The following TPRG1 variants were observed in gnomAD, a reference collection of about 807,000 sequenced individuals.
TPRG1 encodes the protein tumor protein p63-regulated gene 1 protein.
In TPRG1, 29 loss-of-function variants were observed where a neutral mutation model predicts 29.3. The ratio of observed to expected loss-of-function variants is 0.99; its 90% CI spans 0.74 to 1.35. The LOEUF is 1.35. TPRG1 is among the 40% of genes most tolerant of loss of function. TPRG1 has a pLI of 0.00. For missense variants in TPRG1, 327 were observed against 335.0 expected (o/e 0.98, Z 0.19); for synonymous variants, 130 against 116.8 (o/e 1.11, Z -0.73).
Position 189,077,953 on chromosome 3 carries a change from A to G in TPRG1, c.-462-49104A>G, listed in dbSNP as rs958331162. Reference sequence around the variant, plus strand: ...AAGATGATCATGTAGCCATTTACCAATTACTGTGCTTTGAAGAACTCTCTT... The same window carrying G: ...AAGATGATCATGTAGCCATTTACCAGTTACTGTGCTTTGAAGAACTCTCTT... On this transcript the variant is annotated intron_variant, in intron 4 of 10. Coordinates refer to the TPRG1 transcript ENST00000433971. Among the ~76,000 whole-genome samples the G allele has an allele frequency of 2.0e-5, 3 of 152,014 alleles. No individual in the cohort carries two copies. In the South Asian group the frequency reaches 6.2e-4, roughly 32 times the overall value.
intron 5 of TPRG1, among the ~76,000 whole-genome samples, chr3:189,158,212 C>G (rs557009982): frequency 3.9e-5 from 6 of 152,212 alleles, no homozygotes; most frequent in African/African-American, 9.6e-5. Flanking sequence ...TACCCTGTTT[C>G]ACTTACTTAG....
chr3:189,078,958 G>GCT (rs1412302803), intron 4 of TPRG1, among the ~76,000 whole-genome samples: 19 of 152,134 alleles, frequency 1.2e-4, no homozygotes, highest in African/African-American at 4.6e-4. Flanking sequence ...GCTATTGAGG[G>GCT]AATACTTTAG....
Position 189,036,922 on chromosome 3 carries a change from G to A in TPRG1, c.-463+12976G>A, listed in dbSNP as rs4687015. Among the ~76,000 whole-genome samples, 503 of 150,638 alleles carry A rather than the reference G, an allele frequency of 3.3e-3. 6 individuals are homozygous for A. Among genetic ancestry groups the A allele is most frequent in the African/African-American group, 0.011 (439 of 41,100 alleles). ...GAAGAAGAAATAAAAAATTTGAAAG[G>A]TCTAAAAATCATAAGATAAACTGAC... On this transcript the variant is annotated intron_variant, in intron 4 of 10. Transcript: ENST00000433971.
At chr3:189,042,301 A>G (rs1714686976) in intron 4 of TPRG1, among the ~76,000 whole-genome samples, 1 of 151,998 alleles carries the variant, frequency 6.6e-6, no homozygotes, top group African/African-American at 2.4e-5. Flanking sequence ...GGTTAATTTT[A>G]TTTTTCTAGT....
chr3:189,234,862 A>G (rs947079650), intron 3 of TPRG1, among the ~76,000 whole-genome samples: 2 of 152,224 alleles, frequency 1.3e-5, no homozygotes, highest in Non-Finnish European at 2.9e-5. Context: ...CTGAAAGTGT[A>G]TATCAGAAAG....
At chr3:189,274,935 A>AGTGT (rs57386934) in intron 4 of TPRG1, among the ~76,000 whole-genome samples, 7,890 of 137,640 alleles carry the variant, frequency 0.057, 257 homozygotes, top group South Asian at 0.082. Context: ...TAATGTAATG[A>AGTGT]GTGTGTGTGT....
chr3:189,044,251 C>A (rs1256261165), intron 4 of TPRG1, among the ~76,000 whole-genome samples: 1 of 151,862 alleles, frequency 6.6e-6, no homozygotes, highest in African/African-American at 2.4e-5. Context: ...GATGCAACAT[C>A]ATGACAAAGA....
chr3:189,269,653 C>G (rs1714741047), intron 4 of TPRG1, among the ~76,000 whole-genome samples: 1 of 152,090 alleles, frequency 6.6e-6, no homozygotes, highest in Non-Finnish European at 1.5e-5. Context: ...TTCCAAGATG[C>G]TATAAATATA....
intron 4 of TPRG1, among the ~76,000 whole-genome samples, chr3:189,290,100 G>C (rs1576975924): frequency 6.6e-6 from 1 of 152,160 alleles, no homozygotes; most frequent in African/African-American, 2.4e-5. Flanking sequence ...TATGGCAGTG[G>C]GGGTGTTCTA....
chr3:189,102,273 A>G (rs764780723), intron 1 of TPRG1, among the ~76,000 whole-genome samples: 9 of 152,172 alleles, frequency 5.9e-5, no homozygotes, highest in Non-Finnish European at 1.3e-4. Context: ...CTAGGGCTGT[A>G]TGTAGTAAGC....
intron 4 of TPRG1, among the ~76,000 whole-genome samples, chr3:189,032,754 C>A (rs370722733): frequency 2.6e-5 from 3 of 113,980 alleles, no homozygotes; most frequent in Admixed American, 2.0e-4. Context: ...CCCCTCCCCC[C>A]ACCCCACAAC....
intron 3 of TPRG1, among the ~76,000 whole-genome samples, chr3:189,221,821 T>A (rs567334797): frequency 4.3e-4 from 66 of 152,318 alleles, no homozygotes; most frequent in Non-Finnish European, 6.6e-4. Context: ...GAGGGACTAT[T>A]GGCTTTATTT....
chr3:189,058,683 T>A (rs901412865), intron 4 of TPRG1, among the ~76,000 whole-genome samples: 1 of 152,222 alleles, frequency 6.6e-6, no homozygotes, highest in African/African-American at 2.4e-5. Context: ...TTAAAGCTGA[T>A]GCTTCCTTAG....
chr3:189,183,817 A>G lies in TPRG1; in HGVS notation c.-10+11686A>G, dbSNP rs537233363. Among the ~76,000 whole-genome samples, 15 of 151,698 alleles carry G rather than the reference A, an allele frequency of 9.9e-5. No homozygotes were observed. In the East Asian group the frequency reaches 2.7e-3, roughly 27 times the overall value. ...CACATTTCATATTGTTTAAACACAC[A>G]TGCTCTACAATTTGTGCAGTTAACG... On this transcript the variant is annotated intron_variant, in intron 1 of 5. Transcript: ENST00000345063.
rs79017029 is a variant in TPRG1, at chr3:189,222,361, G to A, written c.302+6978G>A. On this transcript the variant is annotated intron_variant, in intron 3 of 5. Coordinates refer to ENST00000345063, the MANE Select transcript of TPRG1 (RefSeq NM_198485.4). ...AGGTTAAAAAAAACTGGAAATCAGA[G>A]ATTTCTAATCCTTATTAAATCATGA... 5.7e-3 allele frequency among the ~76,000 whole-genome samples: 862 copies of A among 152,244 alleles called. 8 individuals carry two copies. Among genetic ancestry groups the A allele is most frequent in the African/African-American group, 0.018 (756 of 41,544 alleles).
At chr3:189,204,558 C>T (rs1734014570) in intron 1 of TPRG1, among the ~76,000 whole-genome samples, 1 of 152,168 alleles carries the variant, frequency 6.6e-6, no homozygotes, top group African/African-American at 2.4e-5. Flanking sequence ...CTGAGAGTTT[C>T]CTTCTTTCCT....
chr3:189,036,525 G>C, intron 4 of TPRG1, among the ~76,000 whole-genome samples: 1 of 151,998 alleles, frequency 6.6e-6, no homozygotes, highest in South Asian at 2.1e-4. Context: ...AGCTATAATT[G>C]TTTGCATATG....
At chr3:189,147,316 A>G (rs1399712607) in intron 3 of TPRG1, among the ~76,000 whole-genome samples, 1 of 152,204 alleles carries the variant, frequency 6.6e-6, no homozygotes, top group African/African-American at 2.4e-5. Context: ...GCAGTGGAGA[A>G]AGAGAAAATC....
rs1717603235 is a variant in TPRG1 at position 189,081,656 on chromosome 3, A to G, written c.-462-45401A>G. On this transcript the variant is annotated intron_variant, in intron 4 of 10. Transcript: ENST00000433971. ...ATTAAGTAGCAAAGATTACCTCTCTATTCTGAATTTTCCTTATAATGTAAT... is the reference window on the plus strand; with the variant it reads ...ATTAAGTAGCAAAGATTACCTCTCTGTTCTGAATTTTCCTTATAATGTAAT... 2.6e-5 allele frequency among the ~76,000 whole-genome samples: 4 copies of G among 152,218 alleles called. No individual in the cohort carries two copies. The South Asian group carries it at 8.3e-4, about 32-fold the overall frequency.
Sources: allele counts gnomAD v4.1 joint callset (sites outside exome capture counted in the v4.1 genomes callset), GRCh38; gene constraint gnomAD v4.1.1; transcripts MANE v1.5; gene names NCBI Gene and HGNC (gene_info 2026-07-23, HGNC 2026-07-21).